The following P2RX3 variants were observed in gnomAD, a reference collection of about 807,000 sequenced individuals.
The protein encoded by P2RX3 is P2X purinoceptor 3.
P2RX3 carries 41 observed loss-of-function variants against 51.5 expected under a neutral mutation model. The observed-to-expected ratio is 0.80, with a 90% CI of 0.62 to 1.03. The LOEUF is 1.03. Among genes scored for constraint, P2RX3 ranks in the 50% least tolerant of loss-of-function variants. The pLI is 0.00. For missense variants in P2RX3, 459 were observed against 522.1 expected (o/e 0.88, Z 1.18); for synonymous variants, 185 against 191.6 (o/e 0.97, Z 0.29).
rs1485992630 is a variant in P2RX3 at position 57,370,019 on chromosome 11, A to T, written c.*22A>T. ...CTAGGGCCTCTTTCCAGGGCCCCAC[A>T]CTCACAAAGGCTCCAGGCCTCCCCA... On this transcript the variant is annotated 3_prime_UTR_variant, in exon 12 of 12. Transcript: ENST00000263314. 1.3e-6 allele frequency: 2 copies of T among 1,547,496 alleles called. No homozygotes were observed. The highest frequency in any genetic ancestry group is 3.4e-5 in the Admixed American group (2 of 59,502).
intron 7 of P2RX3, 93 bp from the exon 8 acceptor site, chr11:57,350,669 T>G: frequency 6.5e-7 from 1 of 1,532,278 alleles, no homozygotes. Flanking sequence ...TGGGAGGAAA[T>G]CATTTGTCAC....
intron 8 of P2RX3, among the ~76,000 whole-genome samples, chr11:57,352,792 G>A (rs1001045044): frequency 7.9e-5 from 12 of 152,134 alleles, no homozygotes; most frequent in African/African-American, 1.4e-4. Context: ...GAGGCAGGAC[G>A]GAATATCCCC....
intron 3 of P2RX3, 74 bp downstream of exon 3, chr11:57,347,261 G>T (rs1856454522): frequency 6.5e-7 from 1 of 1,545,572 alleles, no homozygotes; most frequent in Non-Finnish European, 8.9e-7. Context: ...CAGTGGCAGG[G>T]AGGTATGAGC....
chr11:57,350,509 C>G (rs533026480), intron 7 of P2RX3: 6 of 419,816 alleles, frequency 1.4e-5, no homozygotes, highest in Non-Finnish European at 2.2e-5. Flanking sequence ...GTCTCGATCT[C>G]CTGACCTCGT....
intron 7 of P2RX3, 94 bp downstream of exon 7, chr11:57,349,992 C>T: frequency 1.3e-6 from 2 of 1,532,626 alleles, no homozygotes; most frequent in South Asian, 1.2e-5. Flanking sequence ...GGCCAGGAGC[C>T]GCCGCGAGAC....
At chr11:57,348,429 G>C (rs182876353) in intron 5 of P2RX3, 166 bp downstream of exon 5, 7 of 737,356 alleles carry the variant, frequency 9.5e-6, no homozygotes, top group Non-Finnish European at 1.5e-5. Context: ...ATCTTCCCCA[G>C]CCCACCCACC....
At chr11:57,340,944 C>T (rs529349905) in intron 1 of P2RX3, among the ~76,000 whole-genome samples, 3 of 152,086 alleles carry the variant, frequency 2.0e-5, no homozygotes, top group Non-Finnish European at 4.4e-5. Flanking sequence ...GTGGCTGGAG[C>T]CGAGGGAGCA....
In P2RX3 at chr11:57,342,351, G is replaced by C. The variant is rs1449473534; in HGVS notation, c.119+3682G>C. Among the ~76,000 whole-genome samples the C allele has an allele frequency of 2.0e-5, 3 of 151,768 alleles. No individual in the cohort carries two copies. The East Asian group carries it at 5.8e-4, about 29-fold the overall frequency. The stretch of plus-strand genomic sequence containing the variant: ...ATTTTTGTATTTTTAGTAGAGATGG[G>C]GTTTCACCATGTTGGCCAGGCTGGT... On this transcript the variant is annotated intron_variant, in intron 1 of 11. Transcript: ENST00000263314.
At chr11:57,358,289 A>C (rs1468826858) in intron 8 of P2RX3, among the ~76,000 whole-genome samples, 2 of 152,164 alleles carry the variant, frequency 1.3e-5, no homozygotes, top group African/African-American at 4.8e-5. Flanking sequence ...CCCTTTGTAG[A>C]TAATGTAGGG....
chr11:57,337,350 G>GAAA (rs11339711), upstream of P2RX3, among the ~76,000 whole-genome samples: 8 of 73,482 alleles, frequency 1.1e-4, no homozygotes, highest in South Asian at 5.1e-4. Context: ...AGGAAAGAAA[G>GAAA]AAAAAAAAAA....
intron 8 of P2RX3, among the ~76,000 whole-genome samples, chr11:57,365,622 A>G (rs1013168052): frequency 6.6e-6 from 1 of 152,210 alleles, no homozygotes; most frequent in African/African-American, 2.4e-5. Context: ...CTGTCTCACC[A>G]ACAGACCTTC....
intron 8 of P2RX3, among the ~76,000 whole-genome samples, chr11:57,353,840 C>CCG (rs1443954006): frequency 1.1e-4 from 3 of 28,448 alleles, no homozygotes; most frequent in Admixed American, 9.3e-4. Context: ...ATGTCACTCC[C>CCG]CCCCCCCCGC....
chr11:57,348,565 T>C (rs1055298282), intron 5 of P2RX3, 62 bp from the exon 6 acceptor site: 33 of 1,425,716 alleles, frequency 2.3e-5, no homozygotes, highest in Non-Finnish European at 3.0e-5. Flanking sequence ...CGCCCTCAGG[T>C]GAAAGCCTTC....
In P2RX3 at chr11:57,367,903, A is replaced by C. The variant is rs1191230519; in HGVS notation, c.843-106A>C. ...GCAGTTGTCTCAGCAAACCGTAAGT[A>C]AGGGTTGCTCAGTGAGCCAAGACAC... On this transcript the variant is annotated intron_variant, in intron 8 of 11. Coordinates refer to ENST00000263314, the MANE Select transcript of P2RX3 (RefSeq NM_002559.5). 9 of 820,412 alleles carry C rather than the reference A, an allele frequency of 1.1e-5. No individual in the cohort carries two copies. The South Asian group carries it at 1.4e-4, about 13-fold the overall frequency. The allele number at this position is 820,412 out of a possible 1,614,324, so 50.8% of individuals were successfully genotyped here. A position where few individuals can be genotyped will look rare whatever the true frequency, so the allele number is the denominator to read the frequency against.
At chr11:57,348,303 CT>C in intron 5 of P2RX3, 40 bp downstream of exon 5, 1 of 1,528,012 alleles carries the variant, frequency 6.5e-7, no homozygotes, top group Non-Finnish European at 8.9e-7. Context: ...AGGCCCCCAC[CT>C]CAGCTCCCCT....
intron 1 of P2RX3, among the ~76,000 whole-genome samples, chr11:57,339,868 C>T (rs1425265024): frequency 6.6e-6 from 1 of 151,950 alleles, no homozygotes; most frequent in African/African-American, 2.4e-5. Context: ...CTAGATGTGA[C>T]TTTTTAGGTG....
At chr11:57,346,419 A>G in intron 1 of P2RX3, 125 bp from the exon 2 acceptor site, 1 of 1,195,514 alleles carries the variant, frequency 8.4e-7, no homozygotes, top group Non-Finnish European at 1.2e-6. Flanking sequence ...ACGCCTCTGG[A>G]AGGAACCATC....
intron 8 of P2RX3, among the ~76,000 whole-genome samples, chr11:57,360,832 C>T (rs1329838739): frequency 3.3e-5 from 5 of 150,920 alleles, no homozygotes; most frequent in Non-Finnish European, 4.4e-5. Flanking sequence ...AAAGAAACAG[C>T]GAGATATGGC....
chr11:57,338,730 C>A, intron 1 of P2RX3, 61 bp downstream of exon 1: 2 of 1,157,058 alleles, frequency 1.7e-6, no homozygotes, highest in Non-Finnish European at 2.6e-6. Context: ...CGTCTTCACC[C>A]TCCTGCCTCG....
Sources: allele counts gnomAD v4.1 joint callset (sites outside exome capture counted in the v4.1 genomes callset), GRCh38; gene constraint gnomAD v4.1.1; transcripts MANE v1.5; gene names NCBI Gene and HGNC (gene_info 2026-07-23, HGNC 2026-07-21).